Variants in GRM1 observed in about 807,000 individuals in gnomAD.
GRM1 encodes the protein glutamate metabotropic receptor 1.
In GRM1, 33 loss-of-function variants were observed where a neutral mutation model predicts 90.9. That is an observed-to-expected ratio of 0.36 (90% CI 0.28 to 0.49). GRM1 has a LOEUF of 0.49. GRM1 is among the 20% of genes least tolerant of loss of function. The probability of loss-of-function intolerance (pLI) is 0.99; values close to 1 mark genes in which losing one functional copy is unlikely to be tolerated. For missense variants in GRM1, 1,190 were observed against 1,534.3 expected (o/e 0.78, Z 3.75); for synonymous variants, 700 against 613.2 (o/e 1.14, Z -2.09).
intron 2 of GRM1, among the ~76,000 whole-genome samples, chr6:146,191,817 G>C (rs1424343438): frequency 6.6e-6 from 1 of 151,482 alleles, no homozygotes; most frequent in Non-Finnish European, 1.5e-5. Context: ...ATCACCTTTT[G>C]TTCTTTCCTG....
At chr6:146,324,739 C>T (rs1182790272) in intron 3 of GRM1, among the ~76,000 whole-genome samples, 2 of 152,104 alleles carry the variant, frequency 1.3e-5, no homozygotes, top group Non-Finnish European at 2.9e-5. Flanking sequence ...TCAACTCACC[C>T]CCCGTGGGCT....
chr6:146,229,969 T>C (rs1274746020), intron 2 of GRM1, among the ~76,000 whole-genome samples: 1 of 152,178 alleles, frequency 6.6e-6, no homozygotes, highest in African/African-American at 2.4e-5. Context: ...TATGTATACT[T>C]TCTGTCTAAT....
Position 146,390,773 on chromosome 6 carries a change from T to C in GRM1, c.1729+3757T>C, listed in dbSNP as rs184437139. 7.1e-4 allele frequency among the ~76,000 whole-genome samples: 108 copies of C among 152,178 alleles called. 1 individual carries two copies. The highest frequency in any genetic ancestry group is 2.4e-3 in the African/African-American group (99 of 41,546). On this transcript the variant is annotated intron_variant, in intron 6 of 7. Transcript: ENST00000282753. ...GAATATACAGGTGAATTAAGCAATG[T>C]CTATATCCTAAGGGAGGAGCTTCAT... is the stretch of plus-strand genomic sequence containing the variant.
intron 3 of GRM1, among the ~76,000 whole-genome samples, chr6:146,310,838 C>T (rs1011230446): frequency 2.6e-5 from 4 of 152,188 alleles, no homozygotes; most frequent in Admixed American, 6.5e-5. Context: ...TGACAGTTGA[C>T]GCCTGAGTGA....
At chr6:146,193,772 T>A (rs775244734) in intron 2 of GRM1, among the ~76,000 whole-genome samples, 1 of 152,188 alleles carries the variant, frequency 6.6e-6, no homozygotes, top group Non-Finnish European at 1.5e-5. Flanking sequence ...CATTCTACTG[T>A]ATTTTTAACT....
At chr6:146,377,606 A>C (rs576862293) in intron 5 of GRM1, among the ~76,000 whole-genome samples, 93 of 152,302 alleles carry the variant, frequency 6.1e-4, no homozygotes, top group African/African-American at 2.0e-3. Flanking sequence ...GCATTAGAAA[A>C]GAAAAACCCA....
chr6:146,134,648 G>A (rs1776540750), intron 1 of GRM1, among the ~76,000 whole-genome samples: 1 of 151,996 alleles, frequency 6.6e-6, no homozygotes, highest in Admixed American at 6.6e-5. Context: ...AGAACAGCAT[G>A]GACCGGGTGT....
At chr6:146,287,049 A>C (rs777896024) in intron 2 of GRM1, among the ~76,000 whole-genome samples, 1 of 152,196 alleles carries the variant, frequency 6.6e-6, no homozygotes, top group Non-Finnish European at 1.5e-5. Context: ...CTCAGGGAGA[A>C]AAAAGAATAC....
At chr6:146,322,378 C>T (rs1358662881) in intron 3 of GRM1, among the ~76,000 whole-genome samples, 1 of 152,108 alleles carries the variant, frequency 6.6e-6, no homozygotes, top group Non-Finnish European at 1.5e-5. Context: ...GGGTCCGGGA[C>T]CCACTTGAGG....
chr6:146,313,963 A>G (rs1783866346), intron 3 of GRM1, among the ~76,000 whole-genome samples: 1 of 150,036 alleles, frequency 6.7e-6, no homozygotes, highest in African/African-American at 2.5e-5. Flanking sequence ...AAAAGAGTAC[A>G]TTATAAACTC....
intron 2 of GRM1, among the ~76,000 whole-genome samples, chr6:146,220,884 G>A (rs1432011450): frequency 6.6e-6 from 1 of 152,076 alleles, no homozygotes; most frequent in East Asian, 1.9e-4. Context: ...GCAAGTCAGA[G>A]CTGGGATGAG....
At chr6:146,041,495 CCACAGCTCTCA>C (rs1315310642) in intron 1 of GRM1, among the ~76,000 whole-genome samples, 1 of 151,892 alleles carries the variant, frequency 6.6e-6, no homozygotes, top group African/African-American at 2.4e-5. Context: ...CCCAGGTTTC[CCACAGCTCTCA>C]CACAAGTTGG....
At chr6:146,321,078 A>G (rs181085311) in intron 3 of GRM1, among the ~76,000 whole-genome samples, 4 of 152,000 alleles carry the variant, frequency 2.6e-5, no homozygotes, top group Admixed American at 1.3e-4. Flanking sequence ...TATTGATTTT[A>G]TATCTTTCTC....
intron 2 of GRM1, among the ~76,000 whole-genome samples, chr6:146,258,731 C>T (rs545669481): frequency 3.9e-5 from 6 of 152,000 alleles, no homozygotes; most frequent in South Asian, 4.1e-4. Flanking sequence ...CTCAGGGGCC[C>T]CATGTGTTAA....
intron 1 of GRM1, among the ~76,000 whole-genome samples, chr6:146,115,129 CT>C (rs1252600796): frequency 6.6e-6 from 1 of 151,878 alleles, no homozygotes; most frequent in East Asian, 1.9e-4. Context: ...TTGCTTTTGA[CT>C]TTAGGTATGT....
intron 3 of GRM1, among the ~76,000 whole-genome samples, chr6:146,305,637 A>G (rs2114928430): frequency 1.3e-5 from 2 of 152,348 alleles, no homozygotes; most frequent in Middle Eastern, 6.8e-3. Flanking sequence ...CTGGGTCGAT[A>G]GCATAGAATA....
At chr6:146,375,440 G>T (rs1224930498) in intron 5 of GRM1, among the ~76,000 whole-genome samples, 4 of 151,954 alleles carry the variant, frequency 2.6e-5, no homozygotes, top group African/African-American at 4.8e-5. Flanking sequence ...TAAGTCTGAT[G>T]TTTCTTTGTT....
rs1191758678 is a variant in GRM1 at position 146,399,969 on chromosome 6, C to T, written c.2660+270C>T. Among the ~76,000 whole-genome samples the T allele has an allele frequency of 1.3e-5, 2 of 152,214 alleles. No individual in the cohort carries two copies. The highest frequency in any genetic ancestry group is 4.8e-5 in the African/African-American group (2 of 41,458). ...GAGCAGGAAACAATCTTTATTCTTG[C>T]CTAGAAGCGGAAGCTTCGGTTCTGC... On this transcript the variant is annotated intron_variant, in intron 7 of 7. Transcript: ENST00000282753. This position sits in a 1 kb window ranked among gnomAD's most constrained non-coding sequence, Gnocchi z 5.4.
chr6:146,375,043 C>T (rs550105615), intron 5 of GRM1, among the ~76,000 whole-genome samples: 22 of 152,068 alleles, frequency 1.4e-4, no homozygotes, highest in Non-Finnish European at 2.8e-4. Flanking sequence ...TTGCTATCCA[C>T]ACTATCCATA....
Sources: gnomAD v4.1 joint callset for allele counts (sites outside exome capture counted in the v4.1 genomes callset) on GRCh38, gnomAD v4.1.1 for gene constraint, Gnocchi (gnomAD v3.1) non-coding constraint, MANE v1.5 for transcripts, NCBI Gene and HGNC (gene_info 2026-07-23, HGNC 2026-07-21) for gene names.